The following RPS6KA2 variants were observed in gnomAD, a reference collection of about 807,000 sequenced individuals.
The protein encoded by RPS6KA2 is ribosomal protein S6 kinase A2.
Under a neutral mutation model 91.8 loss-of-function variants are expected in RPS6KA2, and 42 were observed. The ratio of observed to expected loss-of-function variants is 0.46; its 90% confidence interval spans 0.36 to 0.59. The LOEUF is 0.59. RPS6KA2 is among the 20% of genes least tolerant of loss of function. The pLI is 0.00. For missense variants in RPS6KA2, 798 were observed against 978.5 expected, an observed-to-expected ratio of 0.82 and a Z score of 2.46; for synonymous variants, 414 against 393.6, an observed-to-expected ratio of 1.05 and a Z score of -0.61.
At chr6:166,534,776 C>T (rs1014744729) in intron 2 of RPS6KA2, among the ~76,000 whole-genome samples, 6 of 152,234 alleles carry the variant, frequency 3.9e-5, no homozygotes, top group African/African-American at 1.2e-4. Flanking sequence ...AAACTCCATC[C>T]TACCAATGTC....
chr6:166,776,732 T>C (rs947107330), intron 2 of RPS6KA2, among the ~76,000 whole-genome samples: 6 of 152,234 alleles, frequency 3.9e-5, no homozygotes, highest in Admixed American at 3.9e-4. Context: ...TTGCAGGGTG[T>C]GTCAACGCTT....
rs960106627 is a variant in RPS6KA2, at chr6:166,612,532, G to A, written c.99+14389C>T. Among the ~76,000 whole-genome samples the A allele has an allele frequency of 7.2e-5, 11 of 152,152 alleles. No individual in the cohort carries two copies. Among genetic ancestry groups the A allele is most frequent in the African/African-American group, 1.2e-4 (5 of 41,434 alleles). Reference sequence around the variant, plus strand: ...CTCTCCCTCCATGACAGACCAGGGCGAGGAAAGGAGAAATGATGAGCTCTG... The same window carrying A: ...CTCTCCCTCCATGACAGACCAGGGCAAGGAAAGGAGAAATGATGAGCTCTG... On this transcript the variant is annotated intron_variant, in intron 1 of 20. Transcript: ENST00000265678. This position sits in a 1 kb window ranked among gnomAD's most constrained non-coding sequence, Gnocchi z 4.3.
intron 2 of RPS6KA2, among the ~76,000 whole-genome samples, chr6:166,832,962 C>A (rs1447327324): frequency 6.6e-6 from 1 of 152,190 alleles, no homozygotes; most frequent in East Asian, 1.9e-4. Flanking sequence ...TTGAAAGCAG[C>A]TTGCTCTCTT....
chr6:166,528,761 G>A (rs946194837), intron 3 of RPS6KA2, among the ~76,000 whole-genome samples: 3 of 151,752 alleles, frequency 2.0e-5, no homozygotes, highest in Admixed American at 6.6e-5. Flanking sequence ...GTGGGCAAAG[G>A]ATATGAACAG....
chr6:166,711,802 G>GAA (rs1025081835), intron 2 of RPS6KA2, among the ~76,000 whole-genome samples: 2 of 144,442 alleles, frequency 1.4e-5, no homozygotes, highest in African/African-American at 5.1e-5. Flanking sequence ...GAGAGAGAGA[G>GAA]ACAGAGGAGA....
chr6:166,789,143 T>C (rs574572641), intron 2 of RPS6KA2, among the ~76,000 whole-genome samples: 29 of 152,158 alleles, frequency 1.9e-4, no homozygotes, highest in African/African-American at 6.5e-4. Context: ...ACCTGGAAAA[T>C]CGGGTCACTC....
At chr6:166,729,119 C>T (rs1001650879) in intron 2 of RPS6KA2, among the ~76,000 whole-genome samples, 1 of 152,186 alleles carries the variant, frequency 6.6e-6, no homozygotes, top group Non-Finnish European at 1.5e-5. Flanking sequence ...CCTGCCAGGG[C>T]TGCTGAGTAG....
At chr6:166,773,060 G>A (rs1287527530) in intron 2 of RPS6KA2, among the ~76,000 whole-genome samples, 1 of 152,130 alleles carries the variant, frequency 6.6e-6, no homozygotes, top group African/African-American at 2.4e-5. Context: ...CCTGCTGTGC[G>A]GGCTCCACGT....
At position 166,445,775 on chromosome 6, in the gene RPS6KA2, T is replaced by C. The variant is rs1266348686; in HGVS notation, c.1332+2949A>G. Among the ~76,000 whole-genome samples the C allele has an allele frequency of 6.6e-6, 1 of 152,224 alleles. No homozygotes were observed. Among genetic ancestry groups the C allele is most frequent in the Non-Finnish European group, 1.5e-5 (1 of 68,034 alleles). Reference sequence around the variant, plus strand: ...CTGCTTCTGAAGCAGACCCCGTTTGTATCCATGAGCCAGGGGTAGGTGGGA... The same window carrying C: ...CTGCTTCTGAAGCAGACCCCGTTTGCATCCATGAGCCAGGGGTAGGTGGGA... On this transcript the variant is annotated intron_variant, in intron 14 of 20. Coordinates refer to ENST00000265678, the MANE Select transcript of RPS6KA2 (RefSeq NM_021135.6). This position sits in a 1 kb window ranked among gnomAD's most constrained non-coding sequence, Gnocchi z 4.5.
intron 14 of RPS6KA2, among the ~76,000 whole-genome samples, chr6:166,443,824 T>C (rs1779595168): frequency 6.6e-6 from 1 of 152,220 alleles, no homozygotes; most frequent in Non-Finnish European, 1.5e-5. Context: ...CATCTATGTA[T>C]ATTTTATGCA....
intron 1 of RPS6KA2, among the ~76,000 whole-genome samples, chr6:166,548,601 C>T (rs1017584092): frequency 6.6e-6 from 1 of 152,130 alleles, no homozygotes; most frequent in Non-Finnish European, 1.5e-5. Flanking sequence ...GCCTTTTTGA[C>T]GAATGATGCT....
chr6:166,548,300 T>C (rs1783892755), intron 1 of RPS6KA2, among the ~76,000 whole-genome samples: 1 of 152,228 alleles, frequency 6.6e-6, no homozygotes, highest in African/African-American at 2.4e-5. Context: ...CCTGTAGGTA[T>C]AATCTCCCAT....
chr6:166,615,870 T>A (rs1232503839), intron 1 of RPS6KA2, among the ~76,000 whole-genome samples: 2 of 152,152 alleles, frequency 1.3e-5, no homozygotes, highest in Admixed American at 6.5e-5. Context: ...CCGCCCACTC[T>A]TTGCCCTTTG....
intron 1 of RPS6KA2, among the ~76,000 whole-genome samples, chr6:166,594,351 TC>T (rs1377180287): frequency 6.6e-6 from 1 of 152,226 alleles, no homozygotes; most frequent in East Asian, 1.9e-4. Flanking sequence ...TTTATTTCCC[TC>T]ATAATTTTCA....
At chr6:166,643,655 A>G (rs556938739) in intron 2 of RPS6KA2, among the ~76,000 whole-genome samples, 1 of 152,340 alleles carries the variant, frequency 6.6e-6, no homozygotes, top group East Asian at 1.9e-4. Flanking sequence ...GCCATTGTAT[A>G]TCTTGCTACT....
intron 2 of RPS6KA2, among the ~76,000 whole-genome samples, chr6:166,796,385 T>C (rs955367558): frequency 3.3e-5 from 5 of 152,044 alleles, no homozygotes; most frequent in African/African-American, 1.2e-4. Context: ...GGTCAAGAGA[T>C]AGAGACCATC....
chr6:166,468,237 A>G lies in RPS6KA2; in HGVS notation c.972+1604T>C, dbSNP rs529559962. Among the ~76,000 whole-genome samples, 46 of 152,014 alleles carry G rather than the reference A, an allele frequency of 3.0e-4. No individual in the cohort carries two copies. In the South Asian group the frequency reaches 8.4e-3, roughly 28 times the overall value. The stretch of plus-strand genomic sequence containing the variant: ...AATTTTCAGGGAAGCTAAGTAAGAG[A>G]CTCCAAAGGGAGGCCTTGGTTTTCA... On this transcript the variant is annotated intron_variant, in intron 11 of 20. Transcript: ENST00000265678.
At chr6:166,609,416 A>G (rs1386634608) in intron 1 of RPS6KA2, among the ~76,000 whole-genome samples, 2 of 152,120 alleles carry the variant, frequency 1.3e-5, no homozygotes, top group African/African-American at 4.8e-5. Context: ...TAAAATTGCT[A>G]TAGCTACCAT....
At chr6:166,818,480 G>A (rs868330631) in intron 2 of RPS6KA2, among the ~76,000 whole-genome samples, 7 of 152,270 alleles carry the variant, frequency 4.6e-5, no homozygotes, top group Middle Eastern at 3.4e-3. Flanking sequence ...CCCTCATGAA[G>A]CTGTGTTTCA....
Sources: allele counts gnomAD v4.1 joint callset (sites outside exome capture counted in the v4.1 genomes callset), GRCh38; gene constraint gnomAD v4.1.1; non-coding constraint Gnocchi (gnomAD v3.1); transcripts MANE v1.5; gene names NCBI Gene and HGNC (gene_info 2026-07-23, HGNC 2026-07-21).